Variants in STXBP6 observed in about 807,000 individuals in gnomAD.
STXBP6 encodes the protein syntaxin-binding protein 6.
A neutral mutation model predicts 26.9 loss-of-function variants in STXBP6; 21 were observed. That is an observed-to-expected ratio of 0.78 (90% confidence interval 0.55 to 1.12). STXBP6 has a LOEUF of 1.12. Ranked by LOEUF, STXBP6 falls within the 50% of genes most tolerant of loss-of-function variation. The probability of loss-of-function intolerance (pLI) is 0.00; values close to 1 mark genes in which losing one functional copy is unlikely to be tolerated. For synonymous variants in STXBP6, 97 were observed against 92.6 expected (o/e 1.05, Z -0.27); for missense variants, 232 against 257.9 (o/e 0.90, Z 0.69).
At chr14:25,013,497 CA>C (rs2075078710) in intron 1 of STXBP6, among the ~76,000 whole-genome samples, 1 of 151,666 alleles carries the variant, frequency 6.6e-6, no homozygotes, top group African/African-American at 2.4e-5. Flanking sequence ...CACACACACA[CA>C]CACACCCCTA....
At chr14:25,046,281 A>G (rs2075725862) in intron 1 of STXBP6, among the ~76,000 whole-genome samples, 1 of 152,226 alleles carries the variant, frequency 6.6e-6, no homozygotes, top group Admixed American at 6.5e-5. Flanking sequence ...TACTTATACT[A>G]AGTGGGAAAA....
intron 2 of STXBP6, among the ~76,000 whole-genome samples, chr14:24,931,674 G>A (rs2057501): frequency 0.52 from 78,214 of 151,382 alleles, 20,435 homozygotes; most frequent in Middle Eastern, 0.59. Flanking sequence ...GAGAGGGTAA[G>A]AATGAGAAGG....
chr14:24,892,464 G>A (rs2070826334), intron 2 of STXBP6, among the ~76,000 whole-genome samples: 1 of 152,082 alleles, frequency 6.6e-6, no homozygotes, highest in Admixed American at 6.5e-5. Flanking sequence ...CTTCAAGGGG[G>A]GAAATAATTC....
intron 2 of STXBP6, among the ~76,000 whole-genome samples, chr14:24,883,212 AAC>A (rs1682186129): frequency 6.6e-6 from 1 of 152,200 alleles, no homozygotes; most frequent in African/African-American, 2.4e-5. Flanking sequence ...CTTCTCTGTA[AAC>A]AGAGTACTTC....
intron 2 of STXBP6, among the ~76,000 whole-genome samples, chr14:24,860,657 C>T (rs1016567797): frequency 6.6e-6 from 1 of 152,238 alleles, no homozygotes; most frequent in Non-Finnish European, 1.5e-5. Context: ...TGTACATCCT[C>T]AACTATCTCA....
At chr14:24,851,618 A>G (rs138270083) in intron 4 of STXBP6, among the ~76,000 whole-genome samples, 14 of 152,232 alleles carry the variant, frequency 9.2e-5, no homozygotes, top group South Asian at 4.1e-4. Context: ...TTGAAGTACA[A>G]ATGTGTCATC....
chr14:25,015,345 A>T (rs1215806202), intron 1 of STXBP6, among the ~76,000 whole-genome samples: 1 of 151,900 alleles, frequency 6.6e-6, no homozygotes, highest in Non-Finnish European at 1.5e-5. Flanking sequence ...CCTCTTGTGC[A>T]CTCCTCTATA....
Position 24,976,852 on chromosome 14 carries a change from C to CTTTTTTTTTTTTTTTTTTTTTTTTTTT in STXBP6, c.-32-2029_-32-2003dup, listed in dbSNP as rs71121808. ...CAAAGTCCTGAGCTGACTGGGCGCT[C>CTTTTTTTTTTTTTTTTTTTTTTTTTTT]TTTTTTTTTTTTTTTTTTTTTTTTT... On this transcript the variant is annotated intron_variant, in intron 1 of 5. Coordinates refer to ENST00000323944, the MANE Select transcript of STXBP6 (RefSeq NM_001394410.1). Among the ~76,000 whole-genome samples the CTTTTTTTTTTTTTTTTTTTTTTTTTTT allele has an allele frequency of 1.5e-4, 7 of 45,276 alleles. 2 individuals are homozygous for CTTTTTTTTTTTTTTTTTTTTTTTTTTT. Among genetic ancestry groups the CTTTTTTTTTTTTTTTTTTTTTTTTTTT allele is most frequent in the African/African-American group, 5.6e-4 (5 of 8,900 alleles). The allele number at this position is 45,276 out of a possible 152,430, so 29.7% of individuals were successfully genotyped here.
chr14:24,988,876 A>T (rs781562584), intron 1 of STXBP6, among the ~76,000 whole-genome samples: 1 of 152,236 alleles, frequency 6.6e-6, no homozygotes, highest in Non-Finnish European at 1.5e-5. Context: ...TCAAACGTCC[A>T]TTTGGTACTA....
At chr14:24,838,167 C>T (rs760151682) in intron 4 of STXBP6, among the ~76,000 whole-genome samples, 1 of 152,176 alleles carries the variant, frequency 6.6e-6, no homozygotes, top group African/African-American at 2.4e-5. Flanking sequence ...CATGCCACTA[C>T]TCCTGGCTAA....
intron 1 of STXBP6, among the ~76,000 whole-genome samples, chr14:25,030,286 T>G (rs2075428340): frequency 6.6e-6 from 1 of 152,122 alleles, no homozygotes; most frequent in African/African-American, 2.4e-5. Context: ...CAGTACCCCA[T>G]GCCCAATATG....
intron 2 of STXBP6, among the ~76,000 whole-genome samples, chr14:24,864,386 C>G (rs1028505778): frequency 2.0e-5 from 3 of 152,102 alleles, no homozygotes; most frequent in Non-Finnish European, 2.9e-5. Flanking sequence ...GCATATTTTA[C>G]CTAGAAGAGC....
At chr14:24,859,473 C>G (rs1284375142) in intron 2 of STXBP6, among the ~76,000 whole-genome samples, 1 of 152,038 alleles carries the variant, frequency 6.6e-6, no homozygotes, top group Admixed American at 6.6e-5. Context: ...AACACTTGCA[C>G]ACACACACAC....
Position 24,899,151 on chromosome 14 carries a change from T to C in STXBP6, c.155-41994A>G, listed in dbSNP as rs1031489937. ...TATTTTAGGCATTATGAGCTAGGAATGGTGGACGAAACCAATATATATAAT... is the reference window on the plus strand; with the variant it reads ...TATTTTAGGCATTATGAGCTAGGAACGGTGGACGAAACCAATATATATAAT... On this transcript the variant is annotated intron_variant, in intron 2 of 5. Coordinates refer to ENST00000323944, the MANE Select transcript of STXBP6 (RefSeq NM_001394410.1). 4.6e-5 allele frequency among the ~76,000 whole-genome samples: 7 copies of C among 152,218 alleles called. 2 individuals are homozygous for C. The highest frequency in any genetic ancestry group is 3.9e-4 in the Admixed American group (6 of 15,278).
At chr14:25,010,872 A>C (rs886472063) in intron 1 of STXBP6, among the ~76,000 whole-genome samples, 2 of 152,194 alleles carry the variant, frequency 1.3e-5, no homozygotes, top group Admixed American at 6.5e-5. Context: ...TGGAGTTTCA[A>C]AGCCCATCCT....
chr14:25,032,791 TAAAC>T (rs1229504453), intron 1 of STXBP6, among the ~76,000 whole-genome samples: 1 of 152,192 alleles, frequency 6.6e-6, no homozygotes, highest in Non-Finnish European at 1.5e-5. Flanking sequence ...TACAGATAGA[TAAAC>T]AGAGGATCAG....
chr14:25,046,522 C>CA (rs2075729766), intron 1 of STXBP6, among the ~76,000 whole-genome samples: 1 of 150,130 alleles, frequency 6.7e-6, no homozygotes, highest in Non-Finnish European at 1.5e-5. Context: ...TAAAGCATGA[C>CA]AGTGAGCTGG....
intron 1 of STXBP6, among the ~76,000 whole-genome samples, chr14:25,031,926 G>A (rs2075463605): frequency 6.6e-6 from 1 of 152,114 alleles, no homozygotes; most frequent in Admixed American, 6.5e-5. Flanking sequence ...CCTAAGAAAT[G>A]CCCTGCTTCC....
At chr14:24,896,089 C>T (rs888840203) in intron 2 of STXBP6, among the ~76,000 whole-genome samples, 1 of 152,082 alleles carries the variant, frequency 6.6e-6, no homozygotes, top group African/African-American at 2.4e-5. Flanking sequence ...GCATAGGCAG[C>T]AGCATTTCTG....
Sources: gnomAD v4.1 joint callset for allele counts (sites outside exome capture counted in the v4.1 genomes callset) on GRCh38, gnomAD v4.1.1 for gene constraint, MANE v1.5 for transcripts, NCBI Gene and HGNC (gene_info 2026-07-23, HGNC 2026-07-21) for gene names.